Variants in IREB2 observed in about 807,000 individuals in gnomAD.
IREB2 encodes iron-responsive element-binding protein 2.
IREB2 carries 39 observed loss-of-function variants against 118.8 expected under a neutral mutation model. The ratio of observed to expected loss-of-function variants is 0.33; its 90% CI spans 0.25 to 0.43. The LOEUF (loss-of-function observed/expected upper bound fraction) is 0.43, where lower values mean the gene tolerates loss of function less well. IREB2 is among the 20% of genes least tolerant of loss of function. The pLI, the probability that IREB2 is intolerant of heterozygous loss-of-function variation, is 1.00. For missense variants in IREB2, 900 were observed against 1,147.3 expected, an observed-to-expected ratio of 0.78 and a Z score of 3.11; for synonymous variants, 372 against 392.2, an observed-to-expected ratio of 0.95 and a Z score of 0.61.
In IREB2 at chr15:78,463,096, T is replaced by C. The variant is rs1256556383; in HGVS notation, c.272+9T>C. ...CTTCTTCAAGATTTTACGTGAGTAA[T>C]GGGTTTATTTTTTGTGAATGAACTC... On this transcript the variant is annotated intron_variant, in intron 3 of 21. Coordinates refer to ENST00000258886, the MANE Select transcript of IREB2 (RefSeq NM_004136.4). 6.3e-7 allele frequency: 1 copy of C among 1,582,278 alleles called. No homozygotes were observed. Among genetic ancestry groups the C allele is most frequent in the Admixed American group, 1.9e-5 (1 of 52,688 alleles).
chr15:78,491,475 AATTT>A lies in IREB2; in HGVS notation c.2324+725_2324+728del, dbSNP rs1295838220. 4.6e-5 allele frequency among the ~76,000 whole-genome samples: 7 copies of A among 151,878 alleles called. No homozygotes were observed. The South Asian group carries it at 8.3e-4, about 18-fold the overall frequency. On this transcript the variant is annotated intron_variant, in intron 18 of 21. Transcript: ENST00000258886. ...TTAAAATGACAAGCTTTTTCATTGA[AATTT>A]ATTTATTTATGTATGTATTTATTTA... is the stretch of plus-strand genomic sequence containing the variant.
intron 2 of IREB2, among the ~76,000 whole-genome samples, chr15:78,455,077 G>A (rs888881481): frequency 1.3e-5 from 2 of 152,110 alleles, no homozygotes; most frequent in East Asian, 3.9e-4. Flanking sequence ...GGTGAAAAAA[G>A]AACAGGATTG....
chr15:78,491,198 G>C (rs568321039), intron 18 of IREB2, among the ~76,000 whole-genome samples: 2 of 152,024 alleles, frequency 1.3e-5, no homozygotes, highest in Non-Finnish European at 2.9e-5. Flanking sequence ...GGAATGATAT[G>C]TACAAATCAA....
At chr15:78,491,724 C>G (rs1044027901) in intron 18 of IREB2, among the ~76,000 whole-genome samples, 1 of 152,098 alleles carries the variant, frequency 6.6e-6, no homozygotes, top group Admixed American at 6.6e-5. Context: ...TATCAAACTC[C>G]TGACCAAGTG....
intron 2 of IREB2, among the ~76,000 whole-genome samples, chr15:78,440,370 C>CTTT (rs35095780): frequency 9.0e-5 from 13 of 143,906 alleles, no homozygotes; most frequent in East Asian, 2.0e-4. Context: ...CTTTTCTTTT[C>CTTT]TTTTTTTTTT....
intron 1 of IREB2, chr15:78,438,737 C>T (rs1176927644): frequency 1.6e-5 from 5 of 319,450 alleles, no homozygotes; most frequent in African/African-American, 4.5e-5. Flanking sequence ...AAGGCGGGGG[C>T]CTGCGTCTCC....
chr15:78,491,948 A>G (rs1204624481), intron 18 of IREB2, among the ~76,000 whole-genome samples: 1 of 152,218 alleles, frequency 6.6e-6, no homozygotes, highest in Admixed American at 6.5e-5. Flanking sequence ...AAAGAAAAAC[A>G]GTCAACACTT....
chr15:78,485,663 A>G (rs768338153), intron 12 of IREB2, 42 bp from the exon 13 acceptor site: 1 of 1,596,192 alleles, frequency 6.3e-7, no homozygotes, highest in South Asian at 1.1e-5. Flanking sequence ...AGAGAGGGAA[A>G]GAAACATTGC....
chr15:78,439,730 A>C (rs1219416412), intron 1 of IREB2, 65 bp from the exon 2 acceptor site: 2 of 863,662 alleles, frequency 2.3e-6, no homozygotes, highest in East Asian at 5.0e-5. Context: ...GCTAGTTTCC[A>C]GGTATTTTCA....
intron 2 of IREB2, among the ~76,000 whole-genome samples, chr15:78,445,000 G>T (rs1202611124): frequency 6.6e-6 from 1 of 152,100 alleles, no homozygotes; most frequent in Non-Finnish European, 1.5e-5. Flanking sequence ...AATAAACTTT[G>T]TATGTGCTAA....
intron 2 of IREB2, among the ~76,000 whole-genome samples, chr15:78,451,858 T>G (rs1845240579): frequency 6.6e-6 from 1 of 152,140 alleles, no homozygotes; most frequent in Non-Finnish European, 1.5e-5. Flanking sequence ...CAACAGGGTT[T>G]CACCATGTTG....
At chr15:78,456,060 CTT>C (rs34921898) in intron 2 of IREB2, among the ~76,000 whole-genome samples, 4,861 of 152,124 alleles carry the variant, frequency 0.032, 262 homozygotes, top group African/African-American at 0.11. Context: ...AGCCAAAAGA[CTT>C]TTATAGCCTA....
chr15:78,441,389 T>C (rs17483721), intron 2 of IREB2, among the ~76,000 whole-genome samples: 44,438 of 152,156 alleles, frequency 0.29, 6,846 homozygotes, highest in Middle Eastern at 0.39. Context: ...GAGTTTGCAT[T>C]AATTTTGAAA....
intron 10 of IREB2, among the ~76,000 whole-genome samples, chr15:78,481,092 G>C (rs1031797386): frequency 6.6e-6 from 1 of 152,144 alleles, no homozygotes; most frequent in Non-Finnish European, 1.5e-5. Context: ...AAGGCAAGAG[G>C]ATTACTTAAG....
At chr15:78,473,207 A>G (rs1188395981) in intron 7 of IREB2, 35 bp from the exon 8 acceptor site, 1 of 1,592,952 alleles carries the variant, frequency 6.3e-7, no homozygotes, top group Non-Finnish European at 8.6e-7. Context: ...ATCTTTAAAT[A>G]TACTGTGCTA....
chr15:78,442,726 C>G (rs1423632099), intron 2 of IREB2, among the ~76,000 whole-genome samples: 2 of 152,156 alleles, frequency 1.3e-5, no homozygotes, highest in Non-Finnish European at 2.9e-5. Context: ...CTGTGCAGCA[C>G]CAATCTCCGC....
intron 10 of IREB2, among the ~76,000 whole-genome samples, chr15:78,482,250 T>A (rs1164781125): frequency 6.6e-6 from 1 of 151,832 alleles, no homozygotes; most frequent in African/African-American, 2.4e-5. Flanking sequence ...ATAATAATAA[T>A]AAATAAATAC....
At chr15:78,477,420 A>T (rs923554665) in intron 9 of IREB2, among the ~76,000 whole-genome samples, 5 of 152,188 alleles carry the variant, frequency 3.3e-5, no homozygotes, top group African/African-American at 1.2e-4. Flanking sequence ...TTGCATGTCT[A>T]ACAGCAAATT....
intron 2 of IREB2, among the ~76,000 whole-genome samples, chr15:78,453,420 T>G (rs749334787): frequency 5.9e-5 from 9 of 152,152 alleles, no homozygotes; most frequent in Non-Finnish European, 1.2e-4. Flanking sequence ...GTGGGCACTT[T>G]TAGAGAATTT....
Sources: gnomAD v4.1 joint callset for allele counts (sites outside exome capture counted in the v4.1 genomes callset) on GRCh38, gnomAD v4.1.1 for gene constraint, MANE v1.5 for transcripts, NCBI Gene and HGNC (gene_info 2026-07-23, HGNC 2026-07-21) for gene names.